The following PHF3 variants were observed in gnomAD, a reference collection of about 807,000 sequenced individuals.
PHF3 encodes PHD finger protein 3.
Under a neutral mutation model 178.4 loss-of-function variants are expected in PHF3, and 41 were observed. The observed-to-expected ratio is 0.23, with a 90% confidence interval of 0.18 to 0.30. PHF3 has a LOEUF of 0.30. Among genes scored for constraint, PHF3 ranks in the 10% least tolerant of loss-of-function variants. PHF3 has a pLI of 1.00. For missense variants in PHF3, 2,346 were observed against 2,398.1 expected, an observed-to-expected ratio of 0.98 and a Z score of 0.45; for synonymous variants, 842 against 800.5, an observed-to-expected ratio of 1.05 and a Z score of -0.88.
Position 63,685,052 on chromosome 6 carries a change from C to T in PHF3, c.1330C>T (p.Pro444Ser). The T allele has an allele frequency of 6.2e-7, 1 of 1,613,874 alleles. No individual in the cohort carries two copies. Among genetic ancestry groups the T allele is most frequent in the Non-Finnish European group, 8.5e-7 (1 of 1,179,938 alleles). Residue 444 changes from proline to serine, a missense_variant, in exon 4 of 16, where the codon CCT becomes TCT. By Grantham distance (74) the Pro-to-Ser change is moderately conservative. Around this residue, in one of 8 missense-constraint regions of PHF3, gnomAD observed 843 missense variants for 795.2 expected, o/e 1.06. Coordinates refer to ENST00000262043, the MANE Select transcript of PHF3 (RefSeq NM_001370348.2). ...NILENAICDV[P>S]DQNSKQLNAI... ...CTTGGAAAATGCTATTTGTGATGTG[C>T]CTGACCAAAATTCAAAACAGTTGAA...
chr6:63,698,220 T>C lies in PHF3; in HGVS notation c.2681-3T>C. 1.2e-6 allele frequency: 2 copies of C among 1,601,478 alleles called. No homozygotes were observed. Among genetic ancestry groups the C allele is most frequent in the Non-Finnish European group, 1.7e-6 (2 of 1,172,458 alleles). Reference sequence around the variant, plus strand: ...AATGAGTTTCGATATTTATTCAAATTAGGTACTCATGAGAAGCAAGAGATG... The same window carrying C: ...AATGAGTTTCGATATTTATTCAAATCAGGTACTCATGAGAAGCAAGAGATG... On this transcript the variant is annotated splice_polypyrimidine_tract_variant and splice_region_variant and intron_variant, in intron 6 of 15. Transcript: ENST00000262043.
chr6:63,702,657 A>T lies in PHF3; in HGVS notation c.3231+18A>T. 6.3e-7 allele frequency: 1 copy of T among 1,596,426 alleles called. No individual in the cohort carries two copies. On this transcript the variant is annotated intron_variant, in intron 10 of 15. Transcript: ENST00000262043. The stretch of plus-strand genomic sequence containing the variant: ...AGATTCAGGTAAGGATAGATATGCC[A>T]TGTTTTATAGCTCAAAACATGAAGA...
intron 2 of PHF3, among the ~76,000 whole-genome samples, chr6:63,649,631 TAAG>T (rs1362876037): frequency 6.6e-6 from 1 of 152,178 alleles, no homozygotes; most frequent in Non-Finnish European, 1.5e-5. Flanking sequence ...ATTATAAAAA[TAAG>T]AAACATAGAA....
Position 63,684,761 on chromosome 6 carries a change from GATGCTGCTTGTACAA to G in PHF3, c.1042_1056del (p.Ala348_Asn352del). The G allele has an allele frequency of 6.2e-7, 1 of 1,613,992 alleles. No individual in the cohort carries two copies. Among genetic ancestry groups the G allele is most frequent in the Non-Finnish European group, 8.5e-7 (1 of 1,179,910 alleles). Reference sequence around the variant, plus strand: ...CGCTGGATCTTCTGATATTTCTAGTGATGCTGCTTGTACAAATCCAAATAAGACAGAAAACAGCCT... The same window carrying G: ...CGCTGGATCTTCTGATATTTCTAGTGATCCAAATAAGACAGAAAACAGCCT... On this transcript the variant is annotated inframe_deletion, in exon 4 of 16. Transcript: ENST00000262043.
intron 6 of PHF3, among the ~76,000 whole-genome samples, chr6:63,695,670 G>T (rs1424120489): frequency 6.6e-6 from 1 of 152,118 alleles, no homozygotes; most frequent in Non-Finnish European, 1.5e-5. Flanking sequence ...AAAGAGAGTA[G>T]CCTGATTAGT....
intron 2 of PHF3, among the ~76,000 whole-genome samples, chr6:63,650,676 G>T (rs1188236462): frequency 2.6e-5 from 4 of 152,076 alleles, no homozygotes; most frequent in Non-Finnish European, 5.9e-5. Context: ...CTAGTTTGAG[G>T]CTCCTTTATC....
At chr6:63,694,442 A>G (rs1767143797) in intron 5 of PHF3, 139 bp from the exon 6 acceptor site, 2 of 553,684 alleles carry the variant, frequency 3.6e-6, no homozygotes, top group Non-Finnish European at 6.0e-6. Context: ...TGTGTTCTAC[A>G]CAAAATAGGT....
At chr6:63,655,395 T>G (rs1765192028) in intron 2 of PHF3, among the ~76,000 whole-genome samples, 1 of 152,016 alleles carries the variant, frequency 6.6e-6, no homozygotes, top group South Asian at 2.1e-4. Context: ...TGTTTTTTTG[T>G]AGAGACAGGG....
chr6:63,676,786 CTG>C (rs750580760), intron 2 of PHF3, among the ~76,000 whole-genome samples: 6 of 152,134 alleles, frequency 3.9e-5, no homozygotes, highest in Non-Finnish European at 8.8e-5. Context: ...ACAGTGATAA[CTG>C]TGTGGAGAAT....
intron 5 of PHF3, among the ~76,000 whole-genome samples, chr6:63,693,684 CAG>C (rs2149593517): frequency 6.6e-6 from 1 of 152,314 alleles, no homozygotes; most frequent in South Asian, 2.1e-4. Flanking sequence ...CAGTCTGTAT[CAG>C]AAAAGAATCT....
intron 3 of PHF3, among the ~76,000 whole-genome samples, chr6:63,680,393 G>GT (rs1766381055): frequency 7.1e-6 from 1 of 141,432 alleles, no homozygotes; most frequent in Non-Finnish European, 1.5e-5. Context: ...CTCTGAGCTG[G>GT]TTTAATTTTT....
intron 2 of PHF3, among the ~76,000 whole-genome samples, chr6:63,662,312 C>T (rs1041399021): frequency 1.3e-5 from 2 of 152,174 alleles, no homozygotes; most frequent in African/African-American, 2.4e-5. Context: ...AGAAGCTCCA[C>T]AGCTTCAGAC....
rs1211856182 is a variant in PHF3, at chr6:63,721,047, A to T, written c.*7339A>T. The T allele has an allele frequency of 1.2e-5, 18 of 1,551,248 alleles. No homozygotes were observed. The highest frequency in any genetic ancestry group is 1.6e-5 in the Non-Finnish European group (18 of 1,146,794). On this transcript the variant is annotated 3_prime_UTR_variant, in exon 16 of 16. Coordinates refer to ENST00000262043, the MANE Select transcript of PHF3 (RefSeq NM_001370348.2). ...ATTTTGAGCTATTCCCATCCATACA[A>T]TTAGACCTTCTGTTTTAGTGGTACT...
intron 13 of PHF3, among the ~76,000 whole-genome samples, chr6:63,708,594 A>G (rs531101880): frequency 2.0e-5 from 3 of 152,340 alleles, no homozygotes; most frequent in East Asian, 1.9e-4. Flanking sequence ...ATAGGAATGT[A>G]CTGAATAAAG....
At chr6:63,689,808 G>T (rs940443944) in intron 4 of PHF3, among the ~76,000 whole-genome samples, 8 of 152,114 alleles carry the variant, frequency 5.3e-5, no homozygotes, top group Non-Finnish European at 1.0e-4. Flanking sequence ...TTTAGGTTTG[G>T]ATTTGGAACA....
intron 6 of PHF3, among the ~76,000 whole-genome samples, chr6:63,695,989 A>G (rs1456361392): frequency 6.6e-6 from 1 of 152,160 alleles, no homozygotes; most frequent in African/African-American, 2.4e-5. Flanking sequence ...TTGGTATATA[A>G]ATTTGGGATT....
chr6:63,709,894 T>C (rs945687577), intron 14 of PHF3, among the ~76,000 whole-genome samples: 1 of 152,200 alleles, frequency 6.6e-6, no homozygotes, highest in Admixed American at 6.5e-5. Flanking sequence ...ATATTTCTCC[T>C]TTTCCTTTTT....
At chr6:63,658,366 G>A (rs924735032) in intron 2 of PHF3, among the ~76,000 whole-genome samples, 4 of 151,888 alleles carry the variant, frequency 2.6e-5, no homozygotes, top group South Asian at 2.1e-4. Flanking sequence ...TATTCACTTT[G>A]TTGTTACAGG....
Position 63,715,113 on chromosome 6 carries a change from G to C in PHF3, c.*1405G>C, listed in dbSNP as rs1015439940. ...TTTCCTAAAGAGCTTAAAGATTAGAGTTAAAAATTGGTTTTGAAACAGAAT... is the reference window on the plus strand; with the variant it reads ...TTTCCTAAAGAGCTTAAAGATTAGACTTAAAAATTGGTTTTGAAACAGAAT... On this transcript the variant is annotated 3_prime_UTR_variant, in exon 16 of 16. Coordinates refer to ENST00000262043, the MANE Select transcript of PHF3 (RefSeq NM_001370348.2). 1.1e-4 allele frequency: 16 copies of C among 152,108 alleles called. No homozygotes were observed. Among genetic ancestry groups the C allele is most frequent in the Non-Finnish European group, 2.2e-4 (15 of 67,982 alleles). 9.4% of individuals were successfully genotyped at this position (152,108 alleles called of 1,614,324 possible).
Sources: gnomAD v4.1 joint callset for allele counts (sites outside exome capture counted in the v4.1 genomes callset) on GRCh38, gnomAD v4.1.1 for gene constraint, gnomAD v4.1.1 regional missense constraint, MANE v1.5 for transcripts, NCBI Gene and HGNC (gene_info 2026-07-23, HGNC 2026-07-21) for gene names.